Variants in PRKG2 observed in about 807,000 individuals in gnomAD.
PRKG2 encodes the protein protein kinase cGMP-dependent 2.
Under a neutral mutation model 97.2 loss-of-function variants are expected in PRKG2, and 33 were observed. The observed-to-expected ratio is 0.34, with a 90% CI of 0.26 to 0.45. The LOEUF is 0.45. Among genes scored for constraint, PRKG2 ranks in the 20% least tolerant of loss-of-function variants. The probability of loss-of-function intolerance (pLI) is 1.00; values close to 1 mark genes in which losing one functional copy is unlikely to be tolerated. For synonymous variants in PRKG2, 330 were observed against 321.8 expected (o/e 1.03, Z -0.27); for missense variants, 638 against 900.0 (o/e 0.71, Z 3.73).
At chr4:81,208,433 T>C (rs1327987493) in intron 1 of PRKG2, among the ~76,000 whole-genome samples, 8 of 152,086 alleles carry the variant, frequency 5.3e-5, no homozygotes, top group Admixed American at 5.2e-4. Flanking sequence ...TGGGTTTTTG[T>C]TTGTTTGTTT....
chr4:81,105,787 A>C (rs1221252051), intron 16 of PRKG2, 26 bp downstream of exon 16: 12 of 1,612,128 alleles, frequency 7.4e-6, no homozygotes, highest in Non-Finnish European at 1.0e-5. Context: ...TCTTCAAGAC[A>C]AGGGGTTACT....
intron 12 of PRKG2, among the ~76,000 whole-genome samples, chr4:81,138,406 G>C (rs560450834): frequency 6.6e-6 from 1 of 152,134 alleles, no homozygotes; most frequent in Admixed American, 6.5e-5. Context: ...AGGTAAAGTG[G>C]TTCAAAGGGT....
At chr4:81,150,148 T>C (rs1361944154) in intron 8 of PRKG2, among the ~76,000 whole-genome samples, 2 of 152,100 alleles carry the variant, frequency 1.3e-5, no homozygotes, top group African/African-American at 4.8e-5. Context: ...AGCATAGACA[T>C]AGACATAGAC....
intron 1 of PRKG2, among the ~76,000 whole-genome samples, chr4:81,213,633 T>C (rs710839): frequency 0.35 from 53,147 of 151,968 alleles, 11,583 homozygotes; most frequent in African/African-American, 0.62. Context: ...ATAATGAAAA[T>C]TTGAAAATGT....
intron 2 of PRKG2, among the ~76,000 whole-genome samples, chr4:81,196,155 T>C (rs6846241): frequency 0.42 from 64,498 of 152,086 alleles, 19,073 homozygotes; most frequent in African/African-American, 0.83. Context: ...AGCTGACAGC[T>C]AGCAAGAAAA....
chr4:81,140,400 T>G, intron 12 of PRKG2, 133 bp downstream of exon 12: 2 of 734,686 alleles, frequency 2.7e-6, no homozygotes. Flanking sequence ...TCAAAACATT[T>G]CATGTACCCC....
chr4:81,126,560 A>G (rs1190978171), intron 14 of PRKG2, among the ~76,000 whole-genome samples: 2 of 152,102 alleles, frequency 1.3e-5, no homozygotes, highest in Non-Finnish European at 2.9e-5. Context: ...CTTCTTAATG[A>G]TTGCCCTTCT....
At chr4:81,185,633 T>G (rs558344997) in intron 2 of PRKG2, among the ~76,000 whole-genome samples, 1 of 151,646 alleles carries the variant, frequency 6.6e-6, no homozygotes, top group Non-Finnish European at 1.5e-5. Flanking sequence ...AATATTAACC[T>G]TAAATGTAAA....
chr4:81,141,922 C>A lies in PRKG2; in HGVS notation c.1407+872G>T, dbSNP rs550329398. On this transcript the variant is annotated intron_variant, in intron 11 of 18. Transcript: ENST00000264399. ...CTGGGTCTGAAGTGTACTGTCCAGA[C>A]TCCCCTGACAGCATTTCAAATCTGC... Among the ~76,000 whole-genome samples, 4 of 152,302 alleles carry A rather than the reference C, an allele frequency of 2.6e-5. No individual in the cohort carries two copies. The South Asian group carries it at 8.3e-4, about 32-fold the overall frequency.
intron 2 of PRKG2, chr4:81,175,731 G>A (rs1750865701): frequency 6.6e-6 from 1 of 152,160 alleles, no homozygotes. Flanking sequence ...TCTACTTGCT[G>A]ATAATCCTAT....
chr4:81,189,234 T>C (rs1217076539), intron 2 of PRKG2, among the ~76,000 whole-genome samples: 2 of 128,262 alleles, frequency 1.6e-5, no homozygotes, highest in Non-Finnish European at 3.0e-5. Context: ...TCCTGTAGCA[T>C]AAAGCATTTA....
chr4:81,152,160 G>A, intron 7 of PRKG2, 106 bp from the exon 8 acceptor site: 2 of 795,710 alleles, frequency 2.5e-6, no homozygotes, highest in East Asian at 2.6e-5. Context: ...ACTTGGACAA[G>A]GAAAAAGACA....
intron 2 of PRKG2, among the ~76,000 whole-genome samples, chr4:81,200,445 T>A (rs1368423902): frequency 2.6e-5 from 4 of 152,172 alleles, no homozygotes; most frequent in African/African-American, 7.2e-5. Flanking sequence ...TCCACATGGA[T>A]GAAGCTAGGA....
chr4:81,125,198 G>T (rs1286904151), intron 14 of PRKG2, among the ~76,000 whole-genome samples: 1 of 151,768 alleles, frequency 6.6e-6, no homozygotes, highest in African/African-American at 2.4e-5. Flanking sequence ...TATATTTTTG[G>T]TGTACAGTTC....
At chr4:81,098,904 C>T (rs987551160) in intron 17 of PRKG2, among the ~76,000 whole-genome samples, 14 of 152,068 alleles carry the variant, frequency 9.2e-5, no homozygotes, top group African/African-American at 2.9e-4. Context: ...GGAAAAATGG[C>T]CCTGATAGAC....
intron 17 of PRKG2, among the ~76,000 whole-genome samples, chr4:81,099,176 G>A (rs116152336): frequency 0.026 from 3,928 of 152,186 alleles, 183 homozygotes; most frequent in African/African-American, 0.089. Context: ...CTATTTCTGA[G>A]AAAGATTATT....
At chr4:81,165,915 T>C (rs1749943533) in intron 6 of PRKG2, among the ~76,000 whole-genome samples, 1 of 151,996 alleles carries the variant, frequency 6.6e-6, no homozygotes, top group African/African-American at 2.4e-5. Flanking sequence ...TAAAAACAGA[T>C]TTCCTTGGTT....
At position 81,089,069 on chromosome 4, in the gene PRKG2, A is replaced by C. The variant is rs1014341677; in HGVS notation, c.*639T>G. 4 of 152,194 alleles carry C rather than the reference A, an allele frequency of 2.6e-5. No individual in the cohort carries two copies. Among genetic ancestry groups the C allele is most frequent in the Non-Finnish European group, 4.4e-5 (3 of 68,034 alleles). The allele number at this position is 152,194 out of a possible 1,614,324, so 9.4% of individuals were successfully genotyped here. A position where few individuals can be genotyped will look rare whatever the true frequency, so the allele number is the denominator to read the frequency against. ...CTAAGTTCCCCAATAGAAAATAATT[A>C]CCTGACTGGATTGATTGATTCAGTT... On this transcript the variant is annotated 3_prime_UTR_variant, in exon 19 of 19. Coordinates refer to ENST00000264399, the MANE Select transcript of PRKG2 (RefSeq NM_006259.3).
chr4:81,176,970 C>G (rs1156386625), intron 2 of PRKG2, among the ~76,000 whole-genome samples: 1 of 152,014 alleles, frequency 6.6e-6, no homozygotes, highest in East Asian at 1.9e-4. Flanking sequence ...GTACTTACTC[C>G]CTAAAACAAA....
Sources: gnomAD v4.1 joint callset for allele counts (sites outside exome capture counted in the v4.1 genomes callset) on GRCh38, gnomAD v4.1.1 for gene constraint, MANE v1.5 for transcripts, NCBI Gene and HGNC (gene_info 2026-07-23, HGNC 2026-07-21) for gene names.